The following OFD1 variants were observed in gnomAD, a reference collection of about 807,000 sequenced individuals.
OFD1 encodes the protein centriole and centriolar satellite protein OFD1.
In OFD1, 12 loss-of-function variants were observed where a neutral mutation model predicts 81.4. The ratio of observed to expected loss-of-function variants is 0.15; its 90% CI spans 0.09 to 0.24. The LOEUF (loss-of-function observed/expected upper bound fraction) is 0.24, where lower values mean the gene tolerates loss of function less well. Among genes scored for constraint, OFD1 ranks in the 10% least tolerant of loss-of-function variants. The pLI, the probability that OFD1 is intolerant of heterozygous loss-of-function variation, is 1.00. For synonymous variants in OFD1, 256 were observed against 263.7 expected, an observed-to-expected ratio of 0.97 and a Z score of 0.28; for missense variants, 685 against 733.9, an observed-to-expected ratio of 0.93 and a Z score of 0.77.
chrX:13,727,261 T>A, the OFD1 span, among the ~76,000 whole-genome samples: 2 of 112,049 alleles, frequency 1.8e-5, no homozygotes, highest in Non-Finnish European at 3.8e-5. Flanking sequence ...CTAATAGACA[T>A]CTACAGAACT....
intron 11 of OFD1, among the ~76,000 whole-genome samples, chrX:13,754,050 C>T (rs867878871): frequency 1.8e-5 from 2 of 108,364 alleles, no homozygotes; most frequent in Non-Finnish European, 3.8e-5. Context: ...GGTGCGATCT[C>T]GGCTCACTAC....
chrX:13,737,222 C>T (rs1254085600), intron 3 of OFD1, among the ~76,000 whole-genome samples: 5 of 109,458 alleles, frequency 4.6e-5, no homozygotes, highest in African/African-American at 1.7e-4. Flanking sequence ...TTTAAAAAAT[C>T]TGTAAAGTTC....
Position 13,762,406 on chromosome X carries a change from C to T in OFD1, c.2450C>T (p.Ala817Val), listed in dbSNP as rs142703521. ...GAATTTTCAGATGTGGACAAGCTAG[C>T]TTTTAAGGATAATGAGGAGTTTGAA... ...KSEFSDVDKL[A>V]FKDNEEFESS... is the part of the protein sequence containing the mutation. Residue 817 changes from alanine (A) to valine (V), a missense_variant, in exon 18 of 23, where the codon GCT becomes GTT. By Grantham distance (64) the Ala-to-Val change is moderately conservative. Transcript: ENST00000340096. 11 of 1,196,855 alleles carry T rather than the reference C, an allele frequency of 9.2e-6. No homozygotes were observed. Among genetic ancestry groups the T allele is most frequent in the Non-Finnish European group, 1.2e-5 (11 of 881,981 alleles).
At chrX:13,723,459 T>A in the OFD1 span, among the ~76,000 whole-genome samples, 1 of 111,901 alleles carries the variant, frequency 8.9e-6, no homozygotes, top group African/African-American at 3.3e-5. Context: ...TGAGCCACCA[T>A]GCCCGGCCTG....
At chrX:13,737,377 G>GT (rs34938110) in intron 3 of OFD1, among the ~76,000 whole-genome samples, 44 of 97,728 alleles carry the variant, frequency 4.5e-4, no homozygotes, top group East Asian at 1.3e-3. Flanking sequence ...ATATGTGCGT[G>GT]TTTTTTTTTT....
At chrX:13,748,406 G>C (rs1162725106) in intron 8 of OFD1, among the ~76,000 whole-genome samples, 5 of 112,316 alleles carry the variant, frequency 4.5e-5, no homozygotes, top group African/African-American at 1.6e-4. Flanking sequence ...TCACCTGGGT[G>C]ATGCCGTCCC....
chrX:13,749,755 A>G (rs2047434959), intron 9 of OFD1, among the ~76,000 whole-genome samples: 1 of 112,680 alleles, frequency 8.9e-6, no homozygotes, highest in African/African-American at 3.2e-5. Context: ...TCATCAGGCT[A>G]CAGTAAGACC....
the OFD1 span, chrX:13,719,913 A>C: frequency 8.3e-7 from 1 of 1,203,831 alleles, no homozygotes; most frequent in Non-Finnish European, 1.1e-6. Context: ...CCATTTCAAA[A>C]ACTGGATTAT....
upstream of OFD1, among the ~76,000 whole-genome samples, chrX:13,733,069 T>C (rs1343104659): frequency 8.9e-6 from 1 of 112,054 alleles, no homozygotes; most frequent in Non-Finnish European, 1.9e-5. Context: ...TTGGAGAACA[T>C]TTTATCTAAT....
At chrX:13,745,421 TA>T (rs1295315062) in intron 6 of OFD1, among the ~76,000 whole-genome samples, 10 of 112,525 alleles carry the variant, frequency 8.9e-5, no homozygotes, top group Non-Finnish European at 1.9e-4. Flanking sequence ...ATTTCACATT[TA>T]TTTTTTGCAC....
rs936297462 is a variant in OFD1, at chrX:13,746,008, C to T, written c.518-311C>T. 5.3e-5 allele frequency among the ~76,000 whole-genome samples: 6 copies of T among 112,322 alleles called. No individual in the cohort carries two copies. In the Admixed American group the frequency reaches 5.7e-4, roughly 11 times the overall value. On this transcript the variant is annotated intron_variant, in intron 6 of 22. Coordinates refer to ENST00000340096, the MANE Select transcript of OFD1 (RefSeq NM_003611.3). ...CCAGTATTTTCTGACTTAAACTGTA[C>T]TCTTGGCTTTCTTTTTCCTCTAACA... is the stretch of plus-strand genomic sequence containing the variant.
chrX:13,773,077 G>A (rs2048329642), downstream of OFD1: 5 of 1,116,189 alleles, frequency 4.5e-6, no homozygotes, highest in Non-Finnish European at 6.1e-6. Flanking sequence ...TTGTGAGAAG[G>A]CAAAGCGAGG....
chrX:13,770,863 ACT>A (rs779431712), downstream of OFD1, among the ~76,000 whole-genome samples: 88 of 112,405 alleles, frequency 7.8e-4, no homozygotes, highest in African/African-American at 2.8e-3. Context: ...TGAAATCTTG[ACT>A]CTGCACATTA....
At chrX:13,716,783 AAC>A in the OFD1 span, 2 of 875,298 alleles carry the variant, frequency 2.3e-6, no homozygotes, top group Non-Finnish European at 3.2e-6. Context: ...GTGGGGAAAA[AAC>A]AGTTTGCTTT....
At chrX:13,719,205 G>A in the OFD1 span, among the ~76,000 whole-genome samples, 4 of 106,762 alleles carry the variant, frequency 3.7e-5, no homozygotes, top group Admixed American at 1.0e-4. Flanking sequence ...TAAGCATTTG[G>A]GATGGTAATC....
upstream of OFD1, chrX:13,734,419 G>T: frequency 3.8e-6 from 1 of 260,168 alleles, no homozygotes; most frequent in South Asian, 1.2e-4. Context: ...CGGCCACCCC[G>T]GGGAGGGGTG....
At position 13,756,686 on chromosome X, in the gene OFD1, A is replaced by G. The variant is rs1460270478; in HGVS notation, c.1330A>G (p.Lys444Glu). 2 of 1,204,957 alleles carry G rather than the reference A, an allele frequency of 1.7e-6. No homozygotes were observed. The highest frequency in any genetic ancestry group is 3.5e-5 in the African/African-American group (2 of 57,137). ...TGATTATTCACTACTAAAAGAAGAG[A>G]AACTGGAGCTTCTGGCACAAAATAA... ...MSDYSLLKEE[K>E]LELLAQNKLL... The change falls in exon 13 of 23, where the codon AAA becomes GAA. Residue 444 changes from lysine (K) to glutamate (E), a missense_variant. Lys to Glu is a moderately conservative substitution (Grantham distance 56, BLOSUM62 1). This residue lies in a region of OFD1 where 414 missense variants were observed against 447.2 expected (regional missense o/e 0.93). Transcript: ENST00000340096.
rs373202088 is a variant in OFD1 at position 13,753,423 on chromosome X, G to A, written c.1111G>A (p.Asp371Asn). 2.5e-6 allele frequency: 3 copies of A among 1,208,404 alleles called. No homozygotes were observed. Among genetic ancestry groups the A allele is most frequent in the African/African-American group, 1.8e-5 (1 of 57,054 alleles). The change falls in exon 11 of 23, where the codon GAT (aspartate) becomes AAT (asparagine). Residue 371 changes from aspartate to asparagine, a missense_variant. Asp to Asn is a conservative substitution (Grantham distance 23). Transcript: ENST00000340096. ...YIIRTNRLIE[D>N]ERKNKEKAVH... ...CATTAGAACTAATCGACTGATTGAAGATGAAAGGAAGAATAAAGGTGATGT... is the reference window on the plus strand; with the variant it reads ...CATTAGAACTAATCGACTGATTGAAAATGAAAGGAAGAATAAAGGTGATGT...
chrX:13,722,623 C>G, the OFD1 span, among the ~76,000 whole-genome samples: 2 of 111,758 alleles, frequency 1.8e-5, no homozygotes, highest in African/African-American at 6.5e-5. Context: ...GGAACAGCTG[C>G]AAACACTTAG....
Sources: allele counts gnomAD v4.1 joint callset (sites outside exome capture counted in the v4.1 genomes callset), GRCh38; gene constraint gnomAD v4.1.1; regional missense constraint gnomAD v4.1.1; transcripts MANE v1.5; gene names NCBI Gene and HGNC (gene_info 2026-07-23, HGNC 2026-07-21).